The following SEPTIN14 variants were observed in gnomAD, a reference collection of about 807,000 sequenced individuals.
SEPTIN14 encodes the protein septin 14, also known as septin-14.
Under a neutral mutation model 53.6 loss-of-function variants are expected in SEPTIN14, and 40 were observed. The ratio of observed to expected loss-of-function variants is 0.75; its 90% CI spans 0.58 to 0.97. The LOEUF (loss-of-function observed/expected upper bound fraction) is 0.97, where lower values mean the gene tolerates loss of function less well. SEPTIN14 is among the 50% of genes least tolerant of loss of function. SEPTIN14 has a pLI of 0.00. For missense variants in SEPTIN14, 471 were observed against 508.2 expected, an observed-to-expected ratio of 0.93 and a Z score of 0.70; for synonymous variants, 138 against 166.8, an observed-to-expected ratio of 0.83 and a Z score of 1.33.
intron 9 of SEPTIN14, among the ~76,000 whole-genome samples, chr7:55,799,383 T>C (rs893159803): frequency 1.3e-5 from 2 of 150,932 alleles, no homozygotes; most frequent in Admixed American, 1.3e-4. Context: ...CCACGCCTTG[T>C]AGTGGGCACC....
chr7:55,810,034 G>A (rs1391775884), intron 7 of SEPTIN14, among the ~76,000 whole-genome samples: 2 of 151,606 alleles, frequency 1.3e-5, no homozygotes, highest in South Asian at 2.1e-4. Flanking sequence ...GGGTTTCACC[G>A]CGTTAGCCAG....
chr7:55,831,914 A>C (rs1265626524), intron 6 of SEPTIN14, among the ~76,000 whole-genome samples: 1 of 152,146 alleles, frequency 6.6e-6, no homozygotes, highest in Non-Finnish European at 1.5e-5. Context: ...TTAAAACCAC[A>C]ATAAAGGCAG....
At chr7:55,843,965 T>A (rs898319249) in intron 4 of SEPTIN14, among the ~76,000 whole-genome samples, 4 of 152,046 alleles carry the variant, frequency 2.6e-5, no homozygotes, top group African/African-American at 9.7e-5. Context: ...CAAGACCCCA[T>A]CTATACAAAC....
chr7:55,804,228 T>G (rs1788574920), intron 9 of SEPTIN14, among the ~76,000 whole-genome samples: 1 of 150,166 alleles, frequency 6.7e-6, no homozygotes, highest in Non-Finnish European at 1.5e-5. Flanking sequence ...ACATCCAAAC[T>G]TTTTCCTTTA....
At chr7:55,799,880 C>A (rs1254878476) in intron 9 of SEPTIN14, among the ~76,000 whole-genome samples, 2 of 151,732 alleles carry the variant, frequency 1.3e-5, no homozygotes, top group African/African-American at 4.8e-5. Context: ...AACTATAGAC[C>A]CAATAGACCA....
intron 2 of SEPTIN14, among the ~76,000 whole-genome samples, chr7:55,855,007 CTT>C (rs59769448): frequency 1.0e-3 from 139 of 136,766 alleles, no homozygotes; most frequent in African/African-American, 1.7e-3. Context: ...AAGATCACAA[CTT>C]TTTTTTTTTT....
chr7:55,830,177 C>CA (rs758063923), intron 6 of SEPTIN14, among the ~76,000 whole-genome samples: 11,559 of 105,320 alleles, frequency 0.11, 579 homozygotes, highest in African/African-American at 0.17. Flanking sequence ...GACTCTGTCT[C>CA]AAAAAAAAAA....
At position 55,806,503 on chromosome 7, in the gene SEPTIN14, G is replaced by A. The variant is rs767112136; in HGVS notation, c.986+587C>T. 1.1e-4 allele frequency among the ~76,000 whole-genome samples: 15 copies of A among 142,498 alleles called. No individual in the cohort carries two copies. In the East Asian group the frequency reaches 2.4e-3, roughly 23 times the overall value. 93.5% of individuals were successfully genotyped at this position (142,498 alleles called of 152,430 possible). Reference sequence around the variant, plus strand: ...TTTAAGATGGAGTCTTGCTCAGTCCGCCACGCTGGAAGTGCAGTGAGGTGA... The same window carrying A: ...TTTAAGATGGAGTCTTGCTCAGTCCACCACGCTGGAAGTGCAGTGAGGTGA... On this transcript the variant is annotated intron_variant, in intron 8 of 9. Transcript: ENST00000388975.
At chr7:55,846,171 T>G (rs1789405949) in intron 3 of SEPTIN14, among the ~76,000 whole-genome samples, 1 of 147,532 alleles carries the variant, frequency 6.8e-6, no homozygotes, top group Admixed American at 7.0e-5. Context: ...ATCAGACTTT[T>G]AAGAGCACAG....
intron 9 of SEPTIN14, chr7:55,798,230 A>G (rs1023881136): frequency 1.4e-5 from 5 of 357,300 alleles, no homozygotes; most frequent in Admixed American, 7.7e-5. Context: ...ACTAGACAAA[A>G]GAACCTGCTG....
intron 9 of SEPTIN14, among the ~76,000 whole-genome samples, chr7:55,804,159 AG>A (rs1246239228): frequency 6.8e-6 from 1 of 148,040 alleles, no homozygotes; most frequent in Non-Finnish European, 1.5e-5. Context: ...AAAAAAAAAA[AG>A]TCTTCATGAG....
intron 7 of SEPTIN14, chr7:55,811,493 GTTCT>G (rs1788704889): frequency 1.7e-5 from 4 of 237,192 alleles, no homozygotes; most frequent in South Asian, 4.5e-5. Flanking sequence ...AAGTTTTACA[GTTCT>G]TTTTTTTTTT....
In SEPTIN14 at chr7:55,805,258, C is replaced by T; in HGVS notation, c.1119G>A (p.Glu373=). 1.2e-6 allele frequency: 2 copies of T among 1,611,190 alleles called. No homozygotes were observed. The highest frequency in any genetic ancestry group is 2.2e-5 in the East Asian group (1 of 44,700). The change falls in exon 9 of 10, where the codon GAG becomes GAA. Residue 373 remains glutamate (E), a splice_region_variant and synonymous_variant. Transcript: ENST00000388975. ...ATTATATCAAACTGTCAGTACTAAC[C>T]TCTTTTTCAGCTTCTTTAAATGTTG... The part of the protein sequence containing the change: ...KEATFKEAEK[E]LQDKFEHLKM...
At chr7:55,835,409 A>G (rs1479636023) in intron 5 of SEPTIN14, among the ~76,000 whole-genome samples, 6 of 151,772 alleles carry the variant, frequency 4.0e-5, no homozygotes, top group Admixed American at 3.9e-4. Flanking sequence ...TCACCGTGTT[A>G]GCCAGGATAT....
intron 6 of SEPTIN14, among the ~76,000 whole-genome samples, chr7:55,826,007 C>G (rs1245575753): frequency 6.6e-6 from 1 of 151,538 alleles, no homozygotes; most frequent in Non-Finnish European, 1.5e-5. Context: ...GAGGCTGAGG[C>G]AGGAGAATGG....
intron 6 of SEPTIN14, among the ~76,000 whole-genome samples, chr7:55,832,740 C>G (rs926207009): frequency 1.3e-5 from 2 of 151,854 alleles, no homozygotes; most frequent in African/African-American, 4.8e-5. Flanking sequence ...AGTGAGACTC[C>G]AAAAGGGAGA....
At chr7:55,836,212 T>C (rs771404784) in intron 5 of SEPTIN14, among the ~76,000 whole-genome samples, 6 of 152,208 alleles carry the variant, frequency 3.9e-5, no homozygotes, top group Non-Finnish European at 7.3e-5. Context: ...ACCCACAAAG[T>C]TTTTTCCTAG....
intron 7 of SEPTIN14, among the ~76,000 whole-genome samples, chr7:55,817,477 T>TA (rs58158456): frequency 0.18 from 23,143 of 126,290 alleles, 2,235 homozygotes; most frequent in East Asian, 0.4. Context: ...TATATATATA[T>TA]TTTTTTTTTT....
chr7:55,857,838 C>T (rs955313161), intron 2 of SEPTIN14, among the ~76,000 whole-genome samples: 1 of 151,050 alleles, frequency 6.6e-6, no homozygotes, highest in Non-Finnish European at 1.5e-5. Context: ...CCGCCCGCCT[C>T]GGCCTCCCAA....
Sources: allele counts gnomAD v4.1 joint callset (sites outside exome capture counted in the v4.1 genomes callset), GRCh38; gene constraint gnomAD v4.1.1; transcripts MANE v1.5; gene names NCBI Gene and HGNC (gene_info 2026-07-23, HGNC 2026-07-21).